The following SNX1 variants were observed in gnomAD, a reference collection of about 807,000 sequenced individuals.
SNX1 encodes sorting nexin 1, also known as sorting nexin-1.
Under a neutral mutation model 71.8 loss-of-function variants are expected in SNX1, and 36 were observed. The observed-to-expected ratio is 0.50, with a 90% CI of 0.38 to 0.66. SNX1 has a LOEUF of 0.66. Among genes scored for constraint, SNX1 ranks in the 30% least tolerant of loss-of-function variants. SNX1 has a pLI of 0.00. For missense variants in SNX1, 612 were observed against 646.7 expected, an observed-to-expected ratio of 0.95 and a Z score of 0.58; for synonymous variants, 254 against 240.7, an observed-to-expected ratio of 1.06 and a Z score of -0.51.
intron 1 of SNX1, among the ~76,000 whole-genome samples, chr15:64,100,819 A>G (rs1007577817): frequency 6.6e-6 from 1 of 152,128 alleles, no homozygotes; most frequent in Non-Finnish European, 1.5e-5. Flanking sequence ...GTTTGTTGAT[A>G]AATAAATACA....
intron 14 of SNX1, 92 bp downstream of exon 14, chr15:64,137,024 T>A: frequency 1.0e-6 from 1 of 979,900 alleles, no homozygotes; most frequent in Non-Finnish European, 1.6e-6. Flanking sequence ...GTGCAGGCCC[T>A]GCTTCTGAGG....
At chr15:64,114,621 G>A (rs1222031521) in intron 2 of SNX1, among the ~76,000 whole-genome samples, 1 of 152,178 alleles carries the variant, frequency 6.6e-6, no homozygotes, top group African/African-American at 2.4e-5. Flanking sequence ...ACTTCCATGT[G>A]AACGAGATCC....
chr15:64,112,937 T>C (rs1394343290), intron 2 of SNX1, among the ~76,000 whole-genome samples: 1 of 152,126 alleles, frequency 6.6e-6, no homozygotes, highest in East Asian at 1.9e-4. Context: ...GAAATGCAGT[T>C]GGAGGAATGA....
chr15:64,123,403 C>A, intron 4 of SNX1, 100 bp from the exon 5 acceptor site: 1 of 990,298 alleles, frequency 1.0e-6, no homozygotes, highest in East Asian at 2.4e-5. Context: ...CCCTTCTTAT[C>A]CAGGGTTCCT....
intron 12 of SNX1, among the ~76,000 whole-genome samples, chr15:64,135,527 G>C (rs536992874): frequency 6.6e-6 from 1 of 151,468 alleles, no homozygotes; most frequent in East Asian, 2.0e-4. Flanking sequence ...GGAGGCCAAG[G>C]TGAGTGGATC....
At chr15:64,128,278 T>G (rs2081273650) in intron 8 of SNX1, among the ~76,000 whole-genome samples, 1 of 152,226 alleles carries the variant, frequency 6.6e-6, no homozygotes, top group African/African-American at 2.4e-5. Context: ...AGTGGAAGAA[T>G]TAAGTAAAAT....
chr15:64,141,037 G>GATAGATAGAT lies in SNX1; in HGVS notation c.*3421_*3430dup, dbSNP rs2081409879. The GATAGATAGAT allele has an allele frequency of 1.5e-5, 2 of 131,488 alleles. No individual in the cohort carries two copies. The highest frequency in any genetic ancestry group is 6.9e-5 in the African/African-American group (2 of 28,936). 8.1% of individuals were successfully genotyped at this position (131,488 alleles called of 1,614,324 possible). A position where few individuals can be genotyped will look rare whatever the true frequency, so the allele number is the denominator to read the frequency against. On this transcript the variant is annotated 3_prime_UTR_variant, in exon 15 of 15. Coordinates refer to ENST00000559844, the MANE Select transcript of SNX1 (RefSeq NM_003099.5). This position sits in a 1 kb window ranked among gnomAD's most constrained non-coding sequence, Gnocchi z 5.1. ...GATAGATAGATAGATGATAGATATA[G>GATAGATAGAT]ATAGATAGATAGATTGATTGATTTG...
chr15:64,117,601 G>A (rs138438842), intron 2 of SNX1, among the ~76,000 whole-genome samples: 5 of 152,254 alleles, frequency 3.3e-5, no homozygotes, highest in African/African-American at 1.2e-4. Context: ...CTCATATAAT[G>A]TTCTAAAGGA....
intron 13 of SNX1, 29 bp downstream of exon 13, chr15:64,136,439 A>C: frequency 1.3e-6 from 2 of 1,568,376 alleles, no homozygotes; most frequent in Non-Finnish European, 1.8e-6. Context: ...CTTCTCACTT[A>C]GCATGCAGTG....
chr15:64,126,827 C>T (rs2081258924), intron 6 of SNX1, among the ~76,000 whole-genome samples: 1 of 152,168 alleles, frequency 6.6e-6, no homozygotes, highest in African/African-American at 2.4e-5. Flanking sequence ...GTCCGCCCGC[C>T]TTGGCCTCCC....
rs115197639 is a variant in SNX1, at chr15:64,127,677, C to T, written c.732-54C>T. Reference sequence around the variant, plus strand: ...ATCACTGCCAGCACTGTGTGACGCCCAGAACCTTCTGAGGCCAGCTCAACT... The same window carrying T: ...ATCACTGCCAGCACTGTGTGACGCCTAGAACCTTCTGAGGCCAGCTCAACT... On this transcript the variant is annotated intron_variant, in intron 7 of 14. Coordinates refer to ENST00000559844, the MANE Select transcript of SNX1 (RefSeq NM_003099.5). The T allele has an allele frequency of 1.5e-3, 2,030 of 1,373,454 alleles. 29 individuals are homozygous for T. In the African/African-American group the frequency reaches 0.026, roughly 18 times the overall value. 85.1% of individuals were successfully genotyped at this position (1,373,454 alleles called of 1,614,324 possible).
At chr15:64,119,322 A>C (rs6494465) in intron 4 of SNX1, among the ~76,000 whole-genome samples, 1 of 151,758 alleles carries the variant, frequency 6.6e-6, no homozygotes, top group African/African-American at 2.4e-5. Flanking sequence ...GGGTCTTGCT[A>C]TGTTGCCCAG....
intron 1 of SNX1, among the ~76,000 whole-genome samples, chr15:64,106,097 G>T (rs1052152565): frequency 2.6e-5 from 4 of 152,020 alleles, no homozygotes; most frequent in African/African-American, 4.8e-5. Flanking sequence ...GAGACTTTGA[G>T]ATCTATAAAA....
intron 2 of SNX1, among the ~76,000 whole-genome samples, chr15:64,116,144 T>A (rs1405495960): frequency 6.6e-6 from 1 of 152,236 alleles, no homozygotes; most frequent in Admixed American, 6.5e-5. Flanking sequence ...ATATACTGTA[T>A]TCTTACAATA....
rs774618954 is a variant in SNX1 at position 64,138,156 on chromosome 15, T to C, written c.*538T>C. Reference sequence around the variant, plus strand: ...TTGTGCTGCTGCTTCCCTCTGGAAATGGGGTTTCTTTCTCTCCGCCTACCT... The same window carrying C: ...TTGTGCTGCTGCTTCCCTCTGGAAACGGGGTTTCTTTCTCTCCGCCTACCT... On this transcript the variant is annotated 3_prime_UTR_variant, in exon 15 of 15. Transcript: ENST00000559844. 69 of 1,535,612 alleles carry C rather than the reference T, an allele frequency of 4.5e-5. No individual in the cohort carries two copies. In the South Asian group the frequency reaches 7.3e-4, roughly 16 times the overall value.
chr15:64,126,771 G>C (rs949423117), intron 6 of SNX1, among the ~76,000 whole-genome samples: 6 of 152,100 alleles, frequency 3.9e-5, no homozygotes, highest in African/African-American at 1.4e-4. Context: ...GTAGAAACAG[G>C]GTTTTACCAC....
intron 12 of SNX1, among the ~76,000 whole-genome samples, 185 bp from the exon 13 acceptor site, chr15:64,136,145 T>TA (rs2140162928): frequency 6.6e-6 from 1 of 152,322 alleles, no homozygotes; most frequent in East Asian, 1.9e-4. Context: ...AGTCAGCCCC[T>TA]AAAGTAGCCT....
rs2081150221 is a variant in SNX1, at chr15:64,118,005, C to T, written c.272-112C>T. Reference sequence around the variant, plus strand: ...ATTTTATGACTTTCAGTCTAAGAGCCTCTATGTATTGAGAGTGCTTGCTAT... The same window carrying T: ...ATTTTATGACTTTCAGTCTAAGAGCTTCTATGTATTGAGAGTGCTTGCTAT... On this transcript the variant is annotated intron_variant, in intron 2 of 14. Coordinates refer to ENST00000559844, the MANE Select transcript of SNX1 (RefSeq NM_003099.5). 28 of 979,542 alleles carry T rather than the reference C, an allele frequency of 2.9e-5. No individual in the cohort carries two copies. In the South Asian group the frequency reaches 4.0e-4, roughly 14 times the overall value. 60.7% of individuals were successfully genotyped at this position (979,542 alleles called of 1,614,324 possible).
chr15:64,120,416 A>T (rs2081185281), intron 4 of SNX1, among the ~76,000 whole-genome samples: 1 of 151,668 alleles, frequency 6.6e-6, no homozygotes, highest in Admixed American at 6.6e-5. Context: ...GGGACTACAG[A>T]TGTGCATCAC....
Sources: gnomAD v4.1 joint callset for allele counts (sites outside exome capture counted in the v4.1 genomes callset) on GRCh38, gnomAD v4.1.1 for gene constraint, Gnocchi (gnomAD v3.1) non-coding constraint, MANE v1.5 for transcripts, NCBI Gene and HGNC (gene_info 2026-07-23, HGNC 2026-07-21) for gene names.